The following SUMF1 variants were observed in gnomAD, a reference collection of about 807,000 sequenced individuals.
The protein encoded by SUMF1 is sulfatase modifying factor 1.
Under a neutral mutation model 47.6 loss-of-function variants are expected in SUMF1, and 48 were observed. The ratio of observed to expected loss-of-function variants is 1.01; its 90% confidence interval spans 0.80 to 1.28. The LOEUF is 1.28. SUMF1 is among the 50% of genes most tolerant of loss of function. The pLI is 0.00. For missense variants in SUMF1, 571 were observed against 485.4 expected, an observed-to-expected ratio of 1.18 and a Z score of -1.66; for synonymous variants, 230 against 192.1, an observed-to-expected ratio of 1.20 and a Z score of -1.63.
chr3:4,146,421 A>G (rs745644421), intron 8 of SUMF1, among the ~76,000 whole-genome samples: 19 of 152,054 alleles, frequency 1.2e-4, no homozygotes, highest in Non-Finnish European at 2.6e-4. Context: ...GGAAAGGTGA[A>G]TGGAGAAGTC....
chr3:4,335,574 T>C (rs376860278), intron 8 of SUMF1, among the ~76,000 whole-genome samples: 3 of 152,090 alleles, frequency 2.0e-5, no homozygotes, highest in East Asian at 3.9e-4. Flanking sequence ...AACTGAAAAT[T>C]TGGGCGAGGT....
chr3:4,309,091 A>T (rs1221314201), intron 8 of SUMF1, among the ~76,000 whole-genome samples: 1 of 152,218 alleles, frequency 6.6e-6, no homozygotes, highest in Non-Finnish European at 1.5e-5. Flanking sequence ...GCTTGAAGGA[A>T]TTGTTATTGT....
intron 8 of SUMF1, chr3:4,303,319 C>A: frequency 6.8e-7 from 1 of 1,468,090 alleles, no homozygotes; most frequent in South Asian, 1.5e-5. Context: ...TCCCAGCATC[C>A]ACCGCGCGGC....
intron 8 of SUMF1, among the ~76,000 whole-genome samples, chr3:4,373,687 A>T (rs945217332): frequency 6.6e-6 from 1 of 152,204 alleles, no homozygotes; most frequent in Non-Finnish European, 1.5e-5. Flanking sequence ...ATAAGTTAAT[A>T]TTTAACAACT....
intron 8 of SUMF1, among the ~76,000 whole-genome samples, chr3:4,102,397 T>C (rs1693056751): frequency 6.6e-6 from 1 of 152,068 alleles, no homozygotes; most frequent in Non-Finnish European, 1.5e-5. Flanking sequence ...TCCTCTAGAC[T>C]AACCTTACTG....
At chr3:4,313,364 C>T in intron 8 of SUMF1, 1 of 1,613,964 alleles carries the variant, frequency 6.2e-7, no homozygotes, top group East Asian at 2.2e-5. Context: ...GTAATGGAAA[C>T]ATTTGTTGAC....
intron 8 of SUMF1, among the ~76,000 whole-genome samples, chr3:4,243,643 T>C (rs553806416): frequency 2.2e-4 from 34 of 152,332 alleles, no homozygotes; most frequent in African/African-American, 7.9e-4. Context: ...TGTTGTGATT[T>C]CTGTTCTTTT....
intron 8 of SUMF1, among the ~76,000 whole-genome samples, chr3:4,070,382 C>T (rs1695492244): frequency 6.6e-6 from 1 of 152,138 alleles, no homozygotes; most frequent in African/African-American, 2.4e-5. Context: ...TTTTCATCAA[C>T]AAACGGAGTA....
intron 8 of SUMF1, among the ~76,000 whole-genome samples, chr3:4,167,966 T>C (rs912350931): frequency 3.3e-5 from 5 of 152,308 alleles, no homozygotes; most frequent in Admixed American, 6.5e-5. Context: ...AGTATTCCAA[T>C]GATAGAGAGC....
chr3:4,091,861 T>G (rs746011109), intron 8 of SUMF1, among the ~76,000 whole-genome samples: 11 of 151,082 alleles, frequency 7.3e-5, no homozygotes, highest in African/African-American at 2.4e-4. Context: ...CCATTTCAAT[T>G]CAACTGTATT....
In SUMF1 at chr3:4,065,442, A is replaced by G. The variant is rs578262485; in HGVS notation, c.1191+3127T>C. On this transcript the variant is annotated intron_variant and NMD_transcript_variant, in intron 9 of 12. Transcript: ENST00000448413. ...CCATCCTACTCCACTTCTAAGAAAA[A>G]CCTAATTGCATCTGACTAAGGCAAG... 1.9e-4 allele frequency among the ~76,000 whole-genome samples: 29 copies of G among 152,170 alleles called. No homozygotes were observed. The South Asian group carries it at 6.0e-3, about 32-fold the overall frequency.
intron 8 of SUMF1, among the ~76,000 whole-genome samples, chr3:4,256,467 A>G (rs1696956443): frequency 6.9e-6 from 1 of 145,984 alleles, no homozygotes; most frequent in African/African-American, 2.6e-5. Context: ...ACAAACTACC[A>G]TCAGAGAATA....
chr3:4,211,199 C>CATATATATATATATATATGTATATAT (rs3046224), intron 8 of SUMF1, among the ~76,000 whole-genome samples: 1 of 85,038 alleles, frequency 1.2e-5, no homozygotes, highest in African/African-American at 4.9e-5. Flanking sequence ...CATATACATA[C>CATATATATATATATATATGTATATAT]ATACATATAT....
chr3:4,163,992 G>A (rs1694642648), intron 8 of SUMF1, among the ~76,000 whole-genome samples: 1 of 152,108 alleles, frequency 6.6e-6, no homozygotes, highest in Non-Finnish European at 1.5e-5. Flanking sequence ...AGAACCACTG[G>A]CTATTTGATG....
Position 4,151,494 on chromosome 3 carries a change from C to T in SUMF1, c.1015-82749G>A, listed in dbSNP as rs892191661. Among the ~76,000 whole-genome samples the T allele has an allele frequency of 5.9e-4, 77 of 129,948 alleles. 2 individuals carry two copies. Among genetic ancestry groups the T allele is most frequent in the African/African-American group, 1.9e-3 (63 of 32,570 alleles). The allele number at this position is 129,948 out of a possible 152,430, so 85.3% of individuals were successfully genotyped here. A position where few individuals can be genotyped will look rare whatever the true frequency, so the allele number is the denominator to read the frequency against. On this transcript the variant is annotated intron_variant and NMD_transcript_variant, in intron 8 of 12. Coordinates refer to the SUMF1 transcript ENST00000448413. Reference sequence around the variant, plus strand: ...ATATATGTATATATGTGTATATATACGTATATATGTGTATATGTATACGTA... The same window carrying T: ...ATATATGTATATATGTGTATATATATGTATATATGTGTATATGTATACGTA...
chr3:4,250,495 T>C (rs1458123902), intron 8 of SUMF1, among the ~76,000 whole-genome samples: 5 of 151,824 alleles, frequency 3.3e-5, no homozygotes, highest in Admixed American at 1.3e-4. Context: ...AGATAATTCA[T>C]AAAGGTAGCG....
intron 9 of SUMF1, among the ~76,000 whole-genome samples, chr3:4,042,947 G>C (rs143983739): frequency 6.6e-6 from 1 of 152,240 alleles, no homozygotes; most frequent in African/African-American, 2.4e-5. Flanking sequence ...TCTCTCTGCT[G>C]TTTTCCCAGA....
intron 8 of SUMF1, among the ~76,000 whole-genome samples, chr3:4,072,684 C>A (rs1256995475): frequency 6.6e-6 from 1 of 151,970 alleles, no homozygotes; most frequent in Non-Finnish European, 1.5e-5. Context: ...CTTCATGAAG[C>A]ATACAGAAAC....
chr3:4,139,416 T>G (rs1694019359), intron 8 of SUMF1, among the ~76,000 whole-genome samples: 3 of 151,968 alleles, frequency 2.0e-5, no homozygotes, highest in Admixed American at 2.0e-4. Flanking sequence ...GAGAATCAAT[T>G]GGCAATATGG....
Sources: gnomAD v4.1 joint callset for allele counts (sites outside exome capture counted in the v4.1 genomes callset) on GRCh38, gnomAD v4.1.1 for gene constraint, MANE v1.5 for transcripts, NCBI Gene and HGNC (gene_info 2026-07-23, HGNC 2026-07-21) for gene names.